Variants in VPS13B observed in about 807,000 individuals in gnomAD.
VPS13B encodes vacuolar protein sorting 13 homolog B, also known as intermembrane lipid transfer protein VPS13B.
VPS13B carries 285 observed loss-of-function variants against 426.4 expected under a neutral mutation model. That is an observed-to-expected ratio of 0.67 (90% CI 0.61 to 0.74). The LOEUF (loss-of-function observed/expected upper bound fraction) is 0.74. VPS13B is among the 30% of genes least tolerant of loss of function. The pLI is 0.00. For synonymous variants in VPS13B, 1,676 were observed against 1,676.4 expected (o/e 1.00, Z 0.01); for missense variants, 4,537 against 4,782.6 (o/e 0.95, Z 1.51).
chr8:99,852,021 GA>G (rs1288532617), intron 55 of VPS13B, among the ~76,000 whole-genome samples: 1 of 152,148 alleles, frequency 6.6e-6, no homozygotes, highest in Non-Finnish European at 1.5e-5. Flanking sequence ...GGAAGTGGCA[GA>G]AAGAGTCAGA....
chr8:99,558,442 G>A (rs149693612), intron 31 of VPS13B, among the ~76,000 whole-genome samples: 8,679 of 151,940 alleles, frequency 0.057, 318 homozygotes, highest in African/African-American at 0.098. Context: ...TAAGTTCTAG[G>A]GTACATGTGC....
chr8:99,185,213 T>A (rs62532646), intron 16 of VPS13B, among the ~76,000 whole-genome samples: 1 of 152,220 alleles, frequency 6.6e-6, no homozygotes, highest in Non-Finnish European at 1.5e-5. Flanking sequence ...TCATTAAAAT[T>A]ATAAATGTAT....
intron 7 of VPS13B, among the ~76,000 whole-genome samples, chr8:99,120,825 T>C (rs2132514519): frequency 6.6e-6 from 1 of 152,282 alleles, no homozygotes; most frequent in African/African-American, 2.4e-5. Context: ...ATCAGCCTTA[T>C]TTTTGAGAGG....
intron 22 of VPS13B, among the ~76,000 whole-genome samples, chr8:99,434,398 G>T (rs1314053222): frequency 1.3e-5 from 2 of 152,118 alleles, no homozygotes; most frequent in African/African-American, 4.8e-5. Context: ...CATAATTCAA[G>T]TATTTAACTA....
At chr8:99,087,349 G>C (rs185047613) in intron 3 of VPS13B, among the ~76,000 whole-genome samples, 2 of 152,082 alleles carry the variant, frequency 1.3e-5, no homozygotes, top group African/African-American at 4.8e-5. Flanking sequence ...TCCAGGTGCC[G>C]TCTGTCACCC....
rs144486163 is a variant in VPS13B, at chr8:99,858,273, C to T, written c.10868-1031C>T. 6.6e-4 allele frequency among the ~76,000 whole-genome samples: 101 copies of T among 152,356 alleles called. 1 individual carries two copies. Among genetic ancestry groups the T allele is most frequent in the African/African-American group, 2.4e-3 (98 of 41,588 alleles). On this transcript the variant is annotated intron_variant, in intron 56 of 61. Transcript: ENST00000357162. The stretch of plus-strand genomic sequence containing the variant: ...ATTCTTGGGGCCTACAGCCCCAAAT[C>T]CCCACCCCAGAGAGCCAGGGTAAGG...
intron 19 of VPS13B, among the ~76,000 whole-genome samples, chr8:99,363,630 CCTT>C (rs918326462): frequency 3.3e-5 from 5 of 151,894 alleles, no homozygotes; most frequent in Non-Finnish European, 7.4e-5. Context: ...TTTTATTGTG[CCTT>C]CTTCAGTTTC....
intron 56 of VPS13B, among the ~76,000 whole-genome samples, chr8:99,858,102 TGAA>T (rs1816645867): frequency 6.6e-6 from 1 of 152,250 alleles, no homozygotes; most frequent in East Asian, 1.9e-4. Flanking sequence ...AGCCTGCTGG[TGAA>T]GGAGGGATGG....
At chr8:99,658,987 G>T (rs371363165) in intron 34 of VPS13B, among the ~76,000 whole-genome samples, 2 of 151,794 alleles carry the variant, frequency 1.3e-5, no homozygotes, top group African/African-American at 4.8e-5. Context: ...GTGCCACCAC[G>T]CCCAGCTAAA....
chr8:99,252,761 A>C (rs1382588123), intron 17 of VPS13B, among the ~76,000 whole-genome samples: 3 of 151,846 alleles, frequency 2.0e-5, no homozygotes, highest in African/African-American at 7.3e-5. Context: ...GGCTCTTATA[A>C]TTTTTTTCCT....
intron 3 of VPS13B, among the ~76,000 whole-genome samples, chr8:99,055,414 G>C (rs1006239982): frequency 2.0e-5 from 3 of 152,006 alleles, no homozygotes; most frequent in Non-Finnish European, 4.4e-5. Context: ...AGCTTTTTCA[G>C]TTTGGTTCAA....
At chr8:99,016,217 C>T (rs1266153433) in intron 2 of VPS13B, among the ~76,000 whole-genome samples, 2 of 152,132 alleles carry the variant, frequency 1.3e-5, no homozygotes, top group East Asian at 1.9e-4. Context: ...ATCTTGGTAA[C>T]GTAAGTATTA....
At chr8:99,199,134 T>C (rs1000084890) in intron 17 of VPS13B, among the ~76,000 whole-genome samples, 2 of 152,192 alleles carry the variant, frequency 1.3e-5, no homozygotes, top group African/African-American at 2.4e-5. Context: ...TTTGGATCTC[T>C]CAGACTTAGG....
chr8:99,742,980 A>G (rs1211915687), intron 39 of VPS13B, among the ~76,000 whole-genome samples: 1 of 152,194 alleles, frequency 6.6e-6, no homozygotes, highest in East Asian at 1.9e-4. Context: ...GGCCAGGGCA[A>G]TCAGGCAGGA....
chr8:99,168,418 A>G (rs1812140170), intron 15 of VPS13B, among the ~76,000 whole-genome samples: 1 of 152,114 alleles, frequency 6.6e-6, no homozygotes, highest in Non-Finnish European at 1.5e-5. Flanking sequence ...AAAATTTGAC[A>G]GTGGCTTTGA....
chr8:99,732,866 G>A (rs534909162), intron 39 of VPS13B, among the ~76,000 whole-genome samples: 5 of 152,206 alleles, frequency 3.3e-5, no homozygotes, highest in Admixed American at 6.5e-5. Context: ...TCAGTAAGAC[G>A]TGCTTTTAAA....
chr8:99,155,781 A>T (rs928319635), intron 14 of VPS13B, among the ~76,000 whole-genome samples: 5 of 152,200 alleles, frequency 3.3e-5, no homozygotes, highest in African/African-American at 1.2e-4. Flanking sequence ...TGAAAGACAG[A>T]CAAAGCAATG....
chr8:99,748,061 A>G (rs1810188973), intron 39 of VPS13B, among the ~76,000 whole-genome samples: 1 of 152,016 alleles, frequency 6.6e-6, no homozygotes, highest in Non-Finnish European at 1.5e-5. Flanking sequence ...GAATCTCAAG[A>G]GAAAAATTTG....
intron 34 of VPS13B, among the ~76,000 whole-genome samples, chr8:99,654,301 G>A (rs912699654): frequency 6.6e-6 from 1 of 152,052 alleles, no homozygotes; most frequent in Non-Finnish European, 1.5e-5. Flanking sequence ...GCCCGCCTCG[G>A]CCTTCCAAAG....
Sources: allele counts gnomAD v4.1 joint callset (sites outside exome capture counted in the v4.1 genomes callset), GRCh38; gene constraint gnomAD v4.1.1; transcripts MANE v1.5; gene names NCBI Gene and HGNC (gene_info 2026-07-23, HGNC 2026-07-21).